Variants in SEMA3C observed in about 807,000 individuals in gnomAD.
SEMA3C encodes the protein semaphorin-3C.
Under a neutral mutation model 89.4 loss-of-function variants are expected in SEMA3C, and 47 were observed. The observed-to-expected ratio is 0.53, with a 90% CI of 0.42 to 0.67. The LOEUF is 0.67. Ranked by LOEUF, SEMA3C falls within the 30% of genes least tolerant of loss-of-function variation. SEMA3C has a pLI of 0.00. For synonymous variants in SEMA3C, 310 were observed against 320.2 expected, an observed-to-expected ratio of 0.97 and a Z score of 0.34; for missense variants, 839 against 929.1, an observed-to-expected ratio of 0.90 and a Z score of 1.26.
intron 11 of SEMA3C, among the ~76,000 whole-genome samples, chr7:80,794,556 T>C (rs1789017773): frequency 6.6e-6 from 1 of 152,180 alleles, no homozygotes; most frequent in Non-Finnish European, 1.5e-5. Context: ...TTGCCACTAC[T>C]GACTATGTGG....
chr7:80,805,380 T>C (rs1789314142), intron 7 of SEMA3C, among the ~76,000 whole-genome samples: 1 of 152,234 alleles, frequency 6.6e-6, no homozygotes. Context: ...ATATAAATTA[T>C]CACTGTCACT....
At chr7:80,869,237 A>T (rs1791000360) in intron 2 of SEMA3C, among the ~76,000 whole-genome samples, 1 of 152,178 alleles carries the variant, frequency 6.6e-6, no homozygotes, top group South Asian at 2.1e-4. Context: ...TTATGAATTT[A>T]ATGTTCATAA....
intron 2 of SEMA3C, among the ~76,000 whole-genome samples, chr7:80,837,144 C>T (rs1375609276): frequency 1.3e-5 from 2 of 152,180 alleles, no homozygotes; most frequent in Non-Finnish European, 2.9e-5. Flanking sequence ...TATTTCTACA[C>T]AGAACTAGCA....
chr7:80,849,462 T>A (rs1292239009), intron 2 of SEMA3C, among the ~76,000 whole-genome samples: 2 of 152,196 alleles, frequency 1.3e-5, no homozygotes, highest in Admixed American at 6.5e-5. Context: ...TATCTCTATT[T>A]CATGCATACA....
intron 15 of SEMA3C, among the ~76,000 whole-genome samples, chr7:80,757,987 A>G (rs1788101254): frequency 6.6e-6 from 1 of 152,126 alleles, no homozygotes; most frequent in African/African-American, 2.4e-5. Context: ...AATAATAAAT[A>G]AAATTAAAAA....
At chr7:80,911,963 G>A (rs1032333960) in intron 2 of SEMA3C, among the ~76,000 whole-genome samples, 6 of 151,964 alleles carry the variant, frequency 3.9e-5, no homozygotes, top group Non-Finnish European at 8.8e-5. Flanking sequence ...CGCTGTGTTC[G>A]TATGACCGAT....
chr7:80,841,804 A>G (rs1453190412), intron 2 of SEMA3C, among the ~76,000 whole-genome samples: 1 of 152,162 alleles, frequency 6.6e-6, no homozygotes, highest in African/African-American at 2.4e-5. Context: ...AAAGGCCCAG[A>G]CTTTATGAAC....
At chr7:80,816,637 G>C (rs943417699) in intron 5 of SEMA3C, among the ~76,000 whole-genome samples, 2 of 152,096 alleles carry the variant, frequency 1.3e-5, no homozygotes, top group Admixed American at 6.5e-5. Context: ...TCCGACTAGA[G>C]TGAACTATCA....
At position 80,849,422 on chromosome 7, in the gene SEMA3C, A is replaced by C. The variant is rs1233069748; in HGVS notation, c.104-20677T>G. ...GTAAATCCTTAATATTTTGTTTTTA[A>C]ACTGATCAACTATAAGTTTCTTTTA... On this transcript the variant is annotated intron_variant, in intron 2 of 17. Transcript: ENST00000265361. 1.9e-3 allele frequency among the ~76,000 whole-genome samples: 283 copies of C among 152,116 alleles called. 2 individuals carry two copies. The East Asian group carries it at 0.021, about 11-fold the overall frequency.
chr7:80,776,298 T>G (rs3807102), intron 12 of SEMA3C, among the ~76,000 whole-genome samples: 38,169 of 147,872 alleles, frequency 0.26, 5,419 homozygotes, highest in East Asian at 0.52. Context: ...AGAAAGAAAA[T>G]AAAATATACC....
At chr7:80,829,166 CA>C (rs539521256) in intron 2 of SEMA3C, among the ~76,000 whole-genome samples, 143 of 145,346 alleles carry the variant, frequency 9.8e-4, no homozygotes, top group Non-Finnish European at 1.8e-3. Flanking sequence ...GACACTGCCT[CA>C]AAAAAAAAAG....
chr7:80,894,945 G>C (rs1791697973), intron 2 of SEMA3C, among the ~76,000 whole-genome samples: 1 of 152,084 alleles, frequency 6.6e-6, no homozygotes, highest in Non-Finnish European at 1.5e-5. Context: ...GCCTCCCTCA[G>C]CTGTAATATA....
chr7:80,745,053 G>A lies in SEMA3C; in HGVS notation c.2097C>T (p.His699=), dbSNP rs768621378. 6.2e-7 allele frequency: 1 copy of A among 1,614,086 alleles called. No individual in the cohort carries two copies. Among genetic ancestry groups the A allele is most frequent in the South Asian group, 1.1e-5 (1 of 91,086 alleles). The change falls in exon 18 of 18, where the codon CAC becomes CAT. Residue 699 remains histidine, a synonymous_variant. Coordinates refer to ENST00000265361, the MANE Select transcript of SEMA3C (RefSeq NM_006379.5). ...HPKDIMGAFS[H]SEMQMINQYC... is the part of the protein sequence containing the mutation. ...ATTGGTTAATCATCTGCATTTCTGA[G>A]TGGCTGAATGCCCCCATGATGTCCT...
intron 2 of SEMA3C, among the ~76,000 whole-genome samples, chr7:80,858,661 G>C (rs1199703195): frequency 6.6e-6 from 1 of 152,114 alleles, no homozygotes; most frequent in Non-Finnish European, 1.5e-5. Context: ...AAATGAAAAG[G>C]CTATTTTTAA....
At chr7:80,771,003 G>A (rs1286888244) in intron 12 of SEMA3C, among the ~76,000 whole-genome samples, 1 of 152,204 alleles carries the variant, frequency 6.6e-6, no homozygotes, top group African/African-American at 2.4e-5. Flanking sequence ...CTATGTCTGA[G>A]GCTGTGTTCT....
At chr7:80,827,050 C>A (rs1034930897) in intron 4 of SEMA3C, among the ~76,000 whole-genome samples, 1 of 152,072 alleles carries the variant, frequency 6.6e-6, no homozygotes, top group African/African-American at 2.4e-5. Context: ...TGCCAAGAAT[C>A]TTTGTTTGGA....
At chr7:80,855,310 G>C (rs1232917346) in intron 2 of SEMA3C, among the ~76,000 whole-genome samples, 1 of 152,040 alleles carries the variant, frequency 6.6e-6, no homozygotes, top group Non-Finnish European at 1.5e-5. Context: ...TTATTATTGA[G>C]ACAGTGTCTC....
At chr7:80,853,121 G>A (rs1286415483) in intron 2 of SEMA3C, among the ~76,000 whole-genome samples, 1 of 152,098 alleles carries the variant, frequency 6.6e-6, no homozygotes, top group African/African-American at 2.4e-5. Flanking sequence ...AGACACTAAC[G>A]AATGCTGGCG....
intron 13 of SEMA3C, among the ~76,000 whole-genome samples, chr7:80,762,169 T>A (rs1788200518): frequency 7.0e-6 from 1 of 142,394 alleles, no homozygotes; most frequent in African/African-American, 2.7e-5. Flanking sequence ...AAAATGAAAA[T>A]CTGAGAAGGA....
Sources: allele counts gnomAD v4.1 joint callset (sites outside exome capture counted in the v4.1 genomes callset), GRCh38; gene constraint gnomAD v4.1.1; transcripts MANE v1.5; gene names NCBI Gene and HGNC (gene_info 2026-07-23, HGNC 2026-07-21).